Variants in CDH13 observed in about 807,000 individuals in gnomAD.
CDH13 encodes cadherin-13.
In CDH13, 24 loss-of-function variants were observed where a neutral mutation model predicts 63.8. The ratio of observed to expected loss-of-function variants is 0.38; its 90% CI spans 0.27 to 0.53. CDH13 has a LOEUF of 0.53. Among genes scored for constraint, CDH13 ranks in the 20% least tolerant of loss-of-function variants. The pLI, the probability that CDH13 is intolerant of heterozygous loss-of-function variation, is 0.85. For missense variants in CDH13, 1,049 were observed against 903.1 expected (o/e 1.16, Z -2.07); for synonymous variants, 503 against 355.3 (o/e 1.42, Z -4.67).
At chr16:82,759,807 TA>T (rs1190327462) in intron 1 of CDH13, among the ~76,000 whole-genome samples, 3 of 152,122 alleles carry the variant, frequency 2.0e-5, no homozygotes, top group Non-Finnish European at 2.9e-5. Flanking sequence ...TAGAAGTGCT[TA>T]TTGAGTAATT....
At chr16:83,464,590 C>G (rs906695907) in intron 6 of CDH13, among the ~76,000 whole-genome samples, 1 of 152,092 alleles carries the variant, frequency 6.6e-6, no homozygotes, top group Admixed American at 6.5e-5. Flanking sequence ...GAACTCCTGA[C>G]CTCAGGTGAT....
chr16:82,647,491 G>A (rs1257376883), intron 1 of CDH13, among the ~76,000 whole-genome samples: 1 of 152,172 alleles, frequency 6.6e-6, no homozygotes, highest in African/African-American at 2.4e-5. Context: ...CGAGGGGTCT[G>A]TTACTCAGGC....
chr16:82,691,995 C>T lies in CDH13; in HGVS notation c.45+64858C>T, dbSNP rs151187715. On this transcript the variant is annotated intron_variant, in intron 1 of 13. Coordinates refer to ENST00000567109, the MANE Select transcript of CDH13 (RefSeq NM_001257.5). ...TAGGAAACACTCATGTAAAGCATGT[C>T]TATCTTCCCTTCAATTATGTTTTTC... is the stretch of plus-strand genomic sequence containing the variant. 1.7e-3 allele frequency among the ~76,000 whole-genome samples: 253 copies of T among 152,320 alleles called. 1 individual carries two copies. Among genetic ancestry groups the T allele is most frequent in the African/African-American group, 6.0e-3 (248 of 41,560 alleles).
intron 5 of CDH13, among the ~76,000 whole-genome samples, chr16:83,252,119 C>G (rs1905627364): frequency 2.0e-5 from 2 of 97,784 alleles, no homozygotes; most frequent in South Asian, 7.7e-4. Flanking sequence ...CACACACACA[C>G]ACACACACAC....
At chr16:83,579,362 A>G (rs964657319) in intron 7 of CDH13, among the ~76,000 whole-genome samples, 3 of 152,228 alleles carry the variant, frequency 2.0e-5, no homozygotes, top group African/African-American at 7.2e-5. Flanking sequence ...TAATTGGCTC[A>G]CAGTTCCACA....
chr16:82,786,154 A>C (rs1201297573), intron 1 of CDH13, among the ~76,000 whole-genome samples: 1 of 152,242 alleles, frequency 6.6e-6, no homozygotes, highest in Admixed American at 6.5e-5. Flanking sequence ...AGGGTGGAGT[A>C]GGTAATGGAA....
intron 2 of CDH13, among the ~76,000 whole-genome samples, chr16:83,013,113 C>A (rs1423894753): frequency 6.6e-6 from 1 of 152,180 alleles, no homozygotes; most frequent in Non-Finnish European, 1.5e-5. Context: ...CAGTGATCAA[C>A]AAACTTATTT....
chr16:83,781,092 C>T (rs954468705), intron 12 of CDH13, among the ~76,000 whole-genome samples: 9 of 152,026 alleles, frequency 5.9e-5, no homozygotes, highest in African/African-American at 2.2e-4. Flanking sequence ...TGTCTTCTTC[C>T]ATGCATCTTC....
At chr16:83,559,663 G>C (rs2075667405) in intron 7 of CDH13, among the ~76,000 whole-genome samples, 1 of 151,950 alleles carries the variant, frequency 6.6e-6, no homozygotes, top group Admixed American at 6.6e-5. Context: ...GCGAGGGAAG[G>C]AAAAATTGAA....
At chr16:83,199,337 T>G (rs1276592982) in intron 4 of CDH13, among the ~76,000 whole-genome samples, 2 of 152,222 alleles carry the variant, frequency 1.3e-5, no homozygotes, top group African/African-American at 4.8e-5. Flanking sequence ...ATGTCTAAGC[T>G]GTTAGGACTT....
chr16:82,962,957 G>C (rs1409871319), intron 2 of CDH13, among the ~76,000 whole-genome samples: 1 of 152,040 alleles, frequency 6.6e-6, no homozygotes, highest in Non-Finnish European at 1.5e-5. Context: ...TTAGTAAAAG[G>C]TGTAATTATT....
chr16:83,293,490 G>T (rs1377388699), intron 5 of CDH13, among the ~76,000 whole-genome samples: 2 of 152,122 alleles, frequency 1.3e-5, no homozygotes, highest in Non-Finnish European at 2.9e-5. Flanking sequence ...TTCATAGCAA[G>T]ACTTTATCCA....
chr16:82,687,388 A>G (rs1915185486), intron 1 of CDH13, among the ~76,000 whole-genome samples: 1 of 152,192 alleles, frequency 6.6e-6, no homozygotes, highest in Non-Finnish European at 1.5e-5. Flanking sequence ...TCGGTTCTCA[A>G]GCTGCTAATA....
At chr16:82,705,401 A>G (rs1198008318) in intron 1 of CDH13, 6 of 267,638 alleles carry the variant, frequency 2.2e-5, no homozygotes, top group African/African-American at 1.1e-4. Context: ...CAAGCCACAC[A>G]ATCGCCTCTA....
chr16:83,630,667 G>C (rs1910697168), intron 8 of CDH13, among the ~76,000 whole-genome samples: 1 of 152,188 alleles, frequency 6.6e-6, no homozygotes, highest in African/African-American at 2.4e-5. Context: ...CAGGTGAGCA[G>C]AGGGATGACT....
intron 2 of CDH13, among the ~76,000 whole-genome samples, chr16:82,998,536 A>G (rs1197241364): frequency 6.6e-6 from 1 of 152,110 alleles, no homozygotes; most frequent in African/African-American, 2.4e-5. Context: ...CTGTCCAGGA[A>G]ATACTCTTGA....
At chr16:82,947,914 A>C (rs1904906520) in intron 2 of CDH13, among the ~76,000 whole-genome samples, 1 of 152,200 alleles carries the variant, frequency 6.6e-6, no homozygotes, top group Admixed American at 6.5e-5. Flanking sequence ...GGAGTGTGTG[A>C]CATTTTAAGT....
At chr16:83,563,510 A>C (rs2075743085) in intron 7 of CDH13, among the ~76,000 whole-genome samples, 2 of 152,228 alleles carry the variant, frequency 1.3e-5, no homozygotes, top group South Asian at 2.1e-4. Flanking sequence ...ATGTTGACTA[A>C]ATTGGTTAAT....
intron 4 of CDH13, among the ~76,000 whole-genome samples, chr16:83,135,750 A>T (rs564396167): frequency 6.6e-6 from 1 of 152,378 alleles, no homozygotes; most frequent in African/African-American, 2.4e-5. Flanking sequence ...CACAACTCAC[A>T]ATTGCAAAAT....
Sources: allele counts gnomAD v4.1 joint callset (sites outside exome capture counted in the v4.1 genomes callset), GRCh38; gene constraint gnomAD v4.1.1; transcripts MANE v1.5; gene names NCBI Gene and HGNC (gene_info 2026-07-23, HGNC 2026-07-21).